The following COA1 variants were observed in gnomAD, a reference collection of about 807,000 sequenced individuals.
COA1 encodes cytochrome c oxidase assembly factor 1, also known as cytochrome c oxidase assembly factor 1 homolog.
COA1 carries 13 observed loss-of-function variants against 16.0 expected under a neutral mutation model. The ratio of observed to expected loss-of-function variants is 0.81; its 90% CI spans 0.53 to 1.29. COA1 has a LOEUF of 1.29. Ranked by LOEUF, COA1 falls within the 50% of genes most tolerant of loss-of-function variation. The pLI is 0.00. For synonymous variants in COA1, 65 were observed against 65.7 expected (o/e 0.99, Z 0.05); for missense variants, 179 against 177.0 (o/e 1.01, Z -0.06).
chr7:43,689,772 T>C (rs2094192093), intron 1 of COA1, among the ~76,000 whole-genome samples: 1 of 152,202 alleles, frequency 6.6e-6, no homozygotes, highest in Admixed American at 6.5e-5. Flanking sequence ...GGAAGTATGT[T>C]GTTGTAAGGT....
chr7:43,709,332 CT>C (rs961624415), intron 1 of COA1, among the ~76,000 whole-genome samples: 1 of 151,866 alleles, frequency 6.6e-6, no homozygotes, highest in African/African-American at 2.4e-5. Flanking sequence ...GGCCTATCTC[CT>C]ATAATCTTTA....
intron 6 of COA1, chr7:43,622,354 T>G (rs1435818551): frequency 6.6e-6 from 1 of 152,232 alleles, no homozygotes; most frequent in African/African-American, 2.4e-5. Flanking sequence ...TCCCACTCAT[T>G]TATTCTATGG....
At chr7:43,648,561 G>T in intron 2 of COA1, 39 bp downstream of exon 2, 1 of 1,609,068 alleles carries the variant, frequency 6.2e-7, no homozygotes, top group Non-Finnish European at 8.5e-7. Context: ...TACCCTGGCA[G>T]GTTCTAGTGG....
At chr7:43,708,634 C>G (rs2095092678) in intron 1 of COA1, among the ~76,000 whole-genome samples, 1 of 152,056 alleles carries the variant, frequency 6.6e-6, no homozygotes, top group African/African-American at 2.4e-5. Context: ...TTTTTACTGG[C>G]CACTTGGATA....
intron 1 of COA1, among the ~76,000 whole-genome samples, chr7:43,678,814 G>C (rs1401693472): frequency 1.3e-5 from 2 of 152,124 alleles, no homozygotes; most frequent in African/African-American, 4.8e-5. Context: ...AATAACAAAT[G>C]TTGGCTAGAA....
intron 1 of COA1, among the ~76,000 whole-genome samples, chr7:43,696,899 C>A (rs537839265): frequency 6.6e-6 from 1 of 151,798 alleles, no homozygotes; most frequent in African/African-American, 2.4e-5. Context: ...CCAAGGCAGG[C>A]GGATCACAAG....
intron 1 of COA1, among the ~76,000 whole-genome samples, chr7:43,689,580 AG>A (rs1273658929): frequency 6.6e-6 from 1 of 152,244 alleles, no homozygotes; most frequent in African/African-American, 2.4e-5. Flanking sequence ...AAAAGCTCAG[AG>A]AATTCACTGA....
At chr7:43,609,996 T>C (rs2082705295) in intron 6 of COA1, among the ~76,000 whole-genome samples, 1 of 152,184 alleles carries the variant, frequency 6.6e-6, no homozygotes, top group African/African-American at 2.4e-5. Context: ...AAGTTTCTGA[T>C]TCAGGGTAGG....
At chr7:43,639,847 T>C (rs925839631) in intron 5 of COA1, among the ~76,000 whole-genome samples, 166 bp from the exon 6 acceptor site, 2 of 152,234 alleles carry the variant, frequency 1.3e-5, no homozygotes, top group African/African-American at 4.8e-5. Context: ...CATTCTACCA[T>C]GGGCTCTCAT....
intron 1 of COA1, among the ~76,000 whole-genome samples, chr7:43,701,350 G>C (rs2094730567): frequency 6.6e-6 from 1 of 152,136 alleles, no homozygotes; most frequent in Non-Finnish European, 1.5e-5. Flanking sequence ...TCACTTATAA[G>C]TGAGAATGTG....
chr7:43,680,283 C>CAAAAA (rs552891478), intron 1 of COA1, among the ~76,000 whole-genome samples: 4 of 72,960 alleles, frequency 5.5e-5, no homozygotes, highest in South Asian at 4.9e-4. Flanking sequence ...GACAGGGAGA[C>CAAAAA]AAAAAAAAAA....
At chr7:43,672,080 CA>C (rs1002091667) in intron 1 of COA1, among the ~76,000 whole-genome samples, 2 of 152,064 alleles carry the variant, frequency 1.3e-5, no homozygotes, top group African/African-American at 4.8e-5. Flanking sequence ...ATTCAACATG[CA>C]AAAACAACCC....
intron 6 of COA1, chr7:43,631,149 TTTAG>T (rs1275074961): frequency 9.2e-5 from 14 of 152,318 alleles, no homozygotes; most frequent in African/African-American, 2.9e-4. Flanking sequence ...AACAAATTCT[TTTAG>T]TTTTCTATCA....
chr7:43,691,421 A>AAAAGAAAGAAAGAAAG (rs375210311), intron 1 of COA1, among the ~76,000 whole-genome samples: 18 of 87,454 alleles, frequency 2.1e-4, no homozygotes, highest in African/African-American at 3.8e-4. Context: ...GGAAGAAAGA[A>AAAAGAAAGAAAGAAAG]AAAGAAAGAA....
downstream of COA1, among the ~76,000 whole-genome samples, chr7:43,635,961 T>TAACA: frequency 6.6e-6 from 1 of 152,088 alleles, no homozygotes; most frequent in Non-Finnish European, 1.5e-5. Flanking sequence ...AAAAGGTTTT[T>TAACA]AACATACCTC....
chr7:43,657,525 C>T (rs1333931456), intron 1 of COA1, among the ~76,000 whole-genome samples: 1 of 152,074 alleles, frequency 6.6e-6, no homozygotes, highest in Non-Finnish European at 1.5e-5. Context: ...ATTCAATCAA[C>T]AAATATTTGC....
At chr7:43,724,384 C>A (rs1183377050) in intron 1 of COA1, among the ~76,000 whole-genome samples, 1 of 151,962 alleles carries the variant, frequency 6.6e-6, no homozygotes, top group African/African-American at 2.4e-5. Flanking sequence ...AAAACCCTGT[C>A]TCTACTAAAA....
intron 1 of COA1, among the ~76,000 whole-genome samples, chr7:43,715,370 C>T (rs1284313078): frequency 1.3e-5 from 2 of 151,252 alleles, no homozygotes; most frequent in African/African-American, 2.4e-5. Context: ...CCCAGCTACT[C>T]GGAAGGCTGA....
At chr7:43,668,098 A>G (rs548340274) in intron 1 of COA1, among the ~76,000 whole-genome samples, 1 of 152,346 alleles carries the variant, frequency 6.6e-6, no homozygotes, top group African/African-American at 2.4e-5. Flanking sequence ...GTTTCCCTTT[A>G]AGGAATCAAG....
Sources: gnomAD v4.1 joint callset for allele counts (sites outside exome capture counted in the v4.1 genomes callset) on GRCh38, gnomAD v4.1.1 for gene constraint, MANE v1.5 for transcripts, NCBI Gene and HGNC (gene_info 2026-07-23, HGNC 2026-07-21) for gene names.